Variants in SPON1 observed in about 807,000 individuals in gnomAD.
The protein encoded by SPON1 is spondin-1.
In SPON1, 52 loss-of-function variants were observed where a neutral mutation model predicts 111.7. The ratio of observed to expected loss-of-function variants is 0.47; its 90% CI spans 0.37 to 0.59. The LOEUF (loss-of-function observed/expected upper bound fraction) is 0.59. Ranked by LOEUF, SPON1 falls within the 20% of genes least tolerant of loss-of-function variation. The pLI is 0.00. For missense variants in SPON1, 957 were observed against 1,068.5 expected, an observed-to-expected ratio of 0.90 and a Z score of 1.46; for synonymous variants, 410 against 395.8, an observed-to-expected ratio of 1.04 and a Z score of -0.43.
intron 5 of SPON1, among the ~76,000 whole-genome samples, chr11:14,125,693 T>C (rs1409116605): frequency 2.0e-5 from 3 of 152,148 alleles, no homozygotes; most frequent in Non-Finnish European, 4.4e-5. Flanking sequence ...GGCCAGGAGA[T>C]CCAGATAGTC....
intron 2 of SPON1, among the ~76,000 whole-genome samples, chr11:14,008,745 A>G (rs915910355): frequency 3.3e-5 from 5 of 152,156 alleles, no homozygotes; most frequent in Middle Eastern, 6.8e-3. Context: ...TTAAATGGCC[A>G]ATCACCCCAC....
intron 15 of SPON1, among the ~76,000 whole-genome samples, chr11:14,264,730 A>C (rs189475432): frequency 3.9e-5 from 6 of 152,306 alleles, no homozygotes; most frequent in Admixed American, 2.0e-4. Flanking sequence ...TGTAACCATA[A>C]ATGTGGTGGG....
intron 6 of SPON1, among the ~76,000 whole-genome samples, chr11:14,227,097 A>T (rs1848748911): frequency 6.6e-6 from 1 of 152,202 alleles, no homozygotes; most frequent in Non-Finnish European, 1.5e-5. Context: ...CACAGGATCC[A>T]GGGATCAGGA....
Position 14,268,015 on chromosome 11 carries a change from C to T in SPON1, c.*2328C>T, listed in dbSNP as rs1195140401. 1 of 152,162 alleles carries T rather than the reference C, an allele frequency of 6.6e-6. No individual in the cohort carries two copies. The allele number at this position is 152,162 out of a possible 1,614,324, so 9.4% of individuals were successfully genotyped here. On this transcript the variant is annotated 3_prime_UTR_variant, in exon 16 of 16. Transcript: ENST00000576479. ...TCCCAACCAGACATTGGGTCACTCA[C>T]TGGTCACCTTGCCAGTGCATTTTAT...
At chr11:14,018,691 A>G (rs930826111) in intron 2 of SPON1, among the ~76,000 whole-genome samples, 1 of 152,170 alleles carries the variant, frequency 6.6e-6, no homozygotes, top group Admixed American at 6.5e-5. Flanking sequence ...AAAGCCTCCT[A>G]GTGGGCCTGA....
intron 2 of SPON1, among the ~76,000 whole-genome samples, chr11:13,986,581 CT>C (rs370430969): frequency 0.14 from 20,655 of 142,894 alleles, 1,625 homozygotes; most frequent in African/African-American, 0.23. Context: ...TCTGAATATT[CT>C]TTTTTTTTTT....
At chr11:14,087,438 C>T (rs1010529640) in intron 5 of SPON1, among the ~76,000 whole-genome samples, 2 of 152,082 alleles carry the variant, frequency 1.3e-5, no homozygotes, top group African/African-American at 2.4e-5. Context: ...GTTCAATTTC[C>T]ATGTAGTTGT....
In SPON1 at chr11:14,231,520, C is replaced by A. The variant is rs567186680; in HGVS notation, c.826-11812C>A. ...AAGGTTACACAGTGACAATCCTCAG[C>A]CTTTTGCTTGCTCCCTGGTTACCTA... On this transcript the variant is annotated intron_variant, in intron 6 of 15. Coordinates refer to ENST00000576479, the MANE Select transcript of SPON1 (RefSeq NM_006108.4). Among the ~76,000 whole-genome samples the A allele has an allele frequency of 7.6e-4, 115 of 152,238 alleles. 1 individual carries two copies. The highest frequency in any genetic ancestry group is 4.2e-4 in the South Asian group (2 of 4,816).
At chr11:14,033,978 A>G (rs544907616) in intron 2 of SPON1, among the ~76,000 whole-genome samples, 8 of 152,278 alleles carry the variant, frequency 5.3e-5, no homozygotes, top group African/African-American at 1.9e-4. Context: ...CCTATATATA[A>G]AATAGAAATG....
intron 2 of SPON1, among the ~76,000 whole-genome samples, chr11:14,040,499 T>G (rs1554917175): frequency 3.3e-5 from 5 of 152,070 alleles, no homozygotes; most frequent in African/African-American, 1.2e-4. Context: ...AGTATAAAGA[T>G]AAAAAGTAAT....
intron 2 of SPON1, among the ~76,000 whole-genome samples, chr11:14,026,335 T>G (rs1564888581): frequency 6.6e-6 from 1 of 152,252 alleles, no homozygotes; most frequent in Non-Finnish European, 1.5e-5. Context: ...TGATGAGAGA[T>G]TCTTATTGTC....
intron 5 of SPON1, among the ~76,000 whole-genome samples, chr11:14,096,868 ACT>A (rs1354751206): frequency 2.8e-4 from 43 of 152,062 alleles, no homozygotes; most frequent in African/African-American, 8.7e-4. Flanking sequence ...TGATTCTTAG[ACT>A]CTGTACATGT....
At chr11:14,104,510 A>G (rs1554924720) in intron 5 of SPON1, among the ~76,000 whole-genome samples, 1 of 151,944 alleles carries the variant, frequency 6.6e-6, no homozygotes, top group Non-Finnish European at 1.5e-5. Flanking sequence ...ATTCTCTTTT[A>G]TGGGAAACTT....
chr11:14,072,277 A>G (rs1848883066), intron 3 of SPON1, among the ~76,000 whole-genome samples: 1 of 152,148 alleles, frequency 6.6e-6, no homozygotes, highest in African/African-American at 2.4e-5. Context: ...GGGTTGCCTT[A>G]GACTTTATAG....
intron 6 of SPON1, among the ~76,000 whole-genome samples, chr11:14,182,154 G>T (rs570014010): frequency 4.6e-5 from 7 of 152,084 alleles, no homozygotes; most frequent in Non-Finnish European, 8.8e-5. Flanking sequence ...ACACTCTTAA[G>T]CTCCCTGATA....
intron 6 of SPON1, among the ~76,000 whole-genome samples, chr11:14,178,045 AACACACACACACACAC>A (rs5789825): frequency 4.2e-5 from 6 of 142,708 alleles, no homozygotes; most frequent in East Asian, 4.2e-4. Flanking sequence ...CACACACACA[AACACACACACACACAC>A]ACACACACAC....
At chr11:13,998,937 G>GT (rs1848295193) in intron 2 of SPON1, among the ~76,000 whole-genome samples, 1 of 152,142 alleles carries the variant, frequency 6.6e-6, no homozygotes, top group South Asian at 2.1e-4. Flanking sequence ...CTATTAAGTA[G>GT]TTTTTTAAAA....
chr11:14,235,584 G>A lies in SPON1; in HGVS notation c.826-7748G>A, dbSNP rs1450745855. On this transcript the variant is annotated intron_variant, in intron 6 of 15. Transcript: ENST00000576479. Reference sequence around the variant, plus strand: ...GTCCCAGCTATTTGGTATGCTGAGGGTAGAAGGATGGCTTGAGCCCAGGAG... The same window carrying A: ...GTCCCAGCTATTTGGTATGCTGAGGATAGAAGGATGGCTTGAGCCCAGGAG... Among the ~76,000 whole-genome samples the A allele has an allele frequency of 2.0e-5, 3 of 150,462 alleles. No individual in the cohort carries two copies. In the Admixed American group the frequency reaches 2.0e-4, roughly 10 times the overall value.
At chr11:14,198,460 G>C (rs899334638) in intron 6 of SPON1, among the ~76,000 whole-genome samples, 1 of 152,232 alleles carries the variant, frequency 6.6e-6, no homozygotes, top group African/African-American at 2.4e-5. Flanking sequence ...AGCTTGGTTT[G>C]TTGCTATGGA....
Sources: allele counts gnomAD v4.1 joint callset (sites outside exome capture counted in the v4.1 genomes callset), GRCh38; gene constraint gnomAD v4.1.1; transcripts MANE v1.5; gene names NCBI Gene and HGNC (gene_info 2026-07-23, HGNC 2026-07-21).